SPAG16: variants seen among roughly 807,000 people sequenced by gnomAD.
SPAG16 encodes sperm associated antigen 16.
In SPAG16, 86 loss-of-function variants were observed where a neutral mutation model predicts 80.4. That is an observed-to-expected ratio of 1.07 (90% CI 0.90 to 1.28). The LOEUF (loss-of-function observed/expected upper bound fraction) is 1.28. Among genes scored for constraint, SPAG16 ranks in the 50% most tolerant of loss-of-function variants. The pLI is 0.00. For synonymous variants in SPAG16, 294 were observed against 265.9 expected, an observed-to-expected ratio of 1.11 and a Z score of -1.03; for missense variants, 870 against 765.3, an observed-to-expected ratio of 1.14 and a Z score of -1.61.
At chr2:213,490,332 A>G (rs1380068645) in intron 10 of SPAG16, among the ~76,000 whole-genome samples, 2 of 152,154 alleles carry the variant, frequency 1.3e-5, no homozygotes, top group Non-Finnish European at 2.9e-5. Context: ...TTGGAGTAAA[A>G]ATGCACAAAT....
chr2:213,929,637 A>T (rs2078659851), intron 11 of SPAG16, among the ~76,000 whole-genome samples: 1 of 152,196 alleles, frequency 6.6e-6, no homozygotes, highest in South Asian at 2.1e-4. Context: ...GATCATCCAG[A>T]GCCTAATATA....
intron 13 of SPAG16, among the ~76,000 whole-genome samples, chr2:214,069,940 A>G (rs1049415423): frequency 1.6e-4 from 25 of 152,202 alleles, no homozygotes; most frequent in African/African-American, 6.0e-4. Context: ...TTGTTCAATA[A>G]ACTGGAGATT....
chr2:214,406,172 A>G (rs1401859933), intron 15 of SPAG16, among the ~76,000 whole-genome samples: 1 of 152,212 alleles, frequency 6.6e-6, no homozygotes, highest in Non-Finnish European at 1.5e-5. Flanking sequence ...CTACATGAGA[A>G]GGAAAGTAAG....
intron 10 of SPAG16, among the ~76,000 whole-genome samples, chr2:213,511,393 T>G (rs1173550094): frequency 6.6e-6 from 1 of 152,172 alleles, no homozygotes; most frequent in East Asian, 1.9e-4. Flanking sequence ...AAAAAATGTA[T>G]AGTTAAATAA....
chr2:213,654,621 G>C (rs1008500391), intron 10 of SPAG16, among the ~76,000 whole-genome samples: 2 of 150,662 alleles, frequency 1.3e-5, no homozygotes, highest in African/African-American at 4.9e-5. Flanking sequence ...GGAGGCTGAG[G>C]CAGGAGAATG....
intron 9 of SPAG16, among the ~76,000 whole-genome samples, chr2:213,443,308 C>A (rs2071097111): frequency 6.6e-6 from 1 of 152,124 alleles, no homozygotes; most frequent in Admixed American, 6.5e-5. Flanking sequence ...TGTCCATTTT[C>A]TTTCCCTCCT....
chr2:213,342,784 G>GT (rs529671427), intron 6 of SPAG16, among the ~76,000 whole-genome samples: 24 of 148,916 alleles, frequency 1.6e-4, no homozygotes, highest in East Asian at 9.8e-4. Flanking sequence ...ACATGAGGCA[G>GT]TTTTTTTTTT....
At chr2:213,827,686 G>T (rs1207373179) in intron 10 of SPAG16, among the ~76,000 whole-genome samples, 1 of 151,872 alleles carries the variant, frequency 6.6e-6, no homozygotes, top group African/African-American at 2.4e-5. Flanking sequence ...ACTCCCTTTA[G>T]CATTTCTTGT....
intron 10 of SPAG16, among the ~76,000 whole-genome samples, chr2:213,595,946 G>C (rs1046359286): frequency 6.6e-6 from 1 of 151,932 alleles, no homozygotes; most frequent in Admixed American, 6.5e-5. Flanking sequence ...ATGTGCTTTT[G>C]TGCTTCATTA....
intron 15 of SPAG16, among the ~76,000 whole-genome samples, chr2:214,359,441 G>T (rs547087761): frequency 5.9e-5 from 9 of 151,884 alleles, no homozygotes; most frequent in Non-Finnish European, 1.3e-4. Context: ...CATTTTTGGT[G>T]TTGCTAAAGA....
chr2:213,598,840 TA>T (rs1339763620), intron 10 of SPAG16, among the ~76,000 whole-genome samples: 14 of 152,150 alleles, frequency 9.2e-5, no homozygotes, highest in African/African-American at 3.4e-4. Flanking sequence ...GAAACATAAC[TA>T]ATTTTAGTAT....
chr2:213,939,653 C>A (rs188555210), intron 12 of SPAG16, among the ~76,000 whole-genome samples: 1 of 152,066 alleles, frequency 6.6e-6, no homozygotes, highest in African/African-American at 2.4e-5. Flanking sequence ...TCATTTGAAG[C>A]GGTTTTCACA....
At chr2:213,817,650 C>T (rs2072640457) in intron 10 of SPAG16, among the ~76,000 whole-genome samples, 1 of 151,964 alleles carries the variant, frequency 6.6e-6, no homozygotes, top group East Asian at 1.9e-4. Flanking sequence ...TACTATACAG[C>T]CATGAAAAAG....
intron 13 of SPAG16, among the ~76,000 whole-genome samples, chr2:214,062,524 C>G (rs1576031129): frequency 6.6e-6 from 1 of 151,230 alleles, no homozygotes; most frequent in East Asian, 2.0e-4. Flanking sequence ...CAACCCATTT[C>G]AATTGATGGC....
intron 12 of SPAG16, among the ~76,000 whole-genome samples, chr2:213,938,745 G>A (rs959327070): frequency 2.0e-5 from 3 of 151,764 alleles, no homozygotes; most frequent in Admixed American, 1.3e-4. Flanking sequence ...AAGTAAACTG[G>A]TTACTAAATA....
chr2:213,430,838 TCTAGACACCTATAA>T, intron 9 of SPAG16, among the ~76,000 whole-genome samples: 1 of 152,196 alleles, frequency 6.6e-6, no homozygotes, highest in African/African-American at 2.4e-5. Flanking sequence ...GAGAAAAGCA[TCTAGACACCTATAA>T]AGGAAACTCT....
At chr2:213,996,792 AC>A in intron 12 of SPAG16, among the ~76,000 whole-genome samples, 1 of 151,792 alleles carries the variant, frequency 6.6e-6, no homozygotes. Flanking sequence ...CTGGTCTCGA[AC>A]TCCTGACCTC....
chr2:214,366,942 A>G (rs1039496000), intron 15 of SPAG16, among the ~76,000 whole-genome samples: 5 of 152,166 alleles, frequency 3.3e-5, no homozygotes, highest in African/African-American at 1.2e-4. Flanking sequence ...TTTCAGATCG[A>G]AGCCTTAAAC....
chr2:214,319,112 T>A (rs1695897649), intron 15 of SPAG16, among the ~76,000 whole-genome samples: 1 of 151,764 alleles, frequency 6.6e-6, no homozygotes, highest in Admixed American at 6.6e-5. Context: ...CCACTTATGC[T>A]TCAAAGAAGT....
Sources: allele counts gnomAD v4.1 joint callset (sites outside exome capture counted in the v4.1 genomes callset), GRCh38; gene constraint gnomAD v4.1.1; transcripts MANE v1.5; gene names NCBI Gene and HGNC (gene_info 2026-07-23, HGNC 2026-07-21).